The following GPD2 variants were observed in gnomAD, a reference collection of about 807,000 sequenced individuals.
The protein encoded by GPD2 is glycerol-3-phosphate dehydrogenase, mitochondrial.
A neutral mutation model predicts 82.4 loss-of-function variants in GPD2; 54 were observed. The ratio of observed to expected loss-of-function variants is 0.66; its 90% confidence interval spans 0.53 to 0.82. The LOEUF is 0.82. Among genes scored for constraint, GPD2 ranks in the 40% least tolerant of loss-of-function variants. The probability of loss-of-function intolerance (pLI) is 0.00; values close to 1 mark genes in which losing one functional copy is unlikely to be tolerated. For synonymous variants in GPD2, 288 were observed against 306.1 expected, an observed-to-expected ratio of 0.94 and a Z score of 0.62; for missense variants, 748 against 896.2, an observed-to-expected ratio of 0.83 and a Z score of 2.11.
intron 1 of GPD2, among the ~76,000 whole-genome samples, chr2:156,461,850 TTCAG>T (rs1232359133): frequency 6.6e-6 from 1 of 152,256 alleles, no homozygotes; most frequent in African/African-American, 2.4e-5. Context: ...CTGCCAGGTA[TTCAG>T]TCAATCCCAG....
chr2:156,581,951 G>A (rs1173699240), intron 16 of GPD2, among the ~76,000 whole-genome samples: 1 of 151,540 alleles, frequency 6.6e-6, no homozygotes, highest in Non-Finnish European at 1.5e-5. Flanking sequence ...TATATATAAT[G>A]TGTGTGTGTG....
intron 1 of GPD2, among the ~76,000 whole-genome samples, chr2:156,464,465 C>G (rs966802036): frequency 1.3e-5 from 2 of 152,016 alleles, no homozygotes; most frequent in Non-Finnish European, 2.9e-5. Context: ...CAACAGGTTA[C>G]AGGAGAAAAA....
intron 8 of GPD2, among the ~76,000 whole-genome samples, chr2:156,553,907 C>T (rs1216941151): frequency 6.6e-6 from 1 of 152,188 alleles, no homozygotes; most frequent in African/African-American, 2.4e-5. Context: ...CTAGGTCTGT[C>T]TCAGGCTAAG....
At chr2:156,539,343 G>GTGGC (rs1280057770) in intron 6 of GPD2, among the ~76,000 whole-genome samples, 1 of 152,198 alleles carries the variant, frequency 6.6e-6, no homozygotes, top group Non-Finnish European at 1.5e-5. Flanking sequence ...ACCTGAGTTA[G>GTGGC]TGGCTGGTTG....
chr2:156,556,340 A>G (rs1686961453), intron 8 of GPD2, among the ~76,000 whole-genome samples: 1 of 152,242 alleles, frequency 6.6e-6, no homozygotes, highest in Non-Finnish European at 1.5e-5. Context: ...CCAGTCAAAT[A>G]GAAGCAGCTA....
At chr2:156,489,038 T>C (rs1021890767) in intron 2 of GPD2, among the ~76,000 whole-genome samples, 18 of 152,330 alleles carry the variant, frequency 1.2e-4, no homozygotes, top group African/African-American at 4.3e-4. Flanking sequence ...CTGGCTTCAA[T>C]GGCTGAATTA....
chr2:156,570,336 C>A (rs17847137), intron 12 of GPD2, 118 bp downstream of exon 12: 1 of 865,648 alleles, frequency 1.2e-6, no homozygotes, highest in Admixed American at 1.8e-5. Flanking sequence ...TCAGCTAAAA[C>A]CAGGACTACT....
chr2:156,511,010 A>G, intron 4 of GPD2, 90 bp downstream of exon 4: 1 of 1,091,054 alleles, frequency 9.2e-7, no homozygotes, highest in Non-Finnish European at 1.4e-6. Context: ...TAATGGCTTA[A>G]AAGCATTTCT....
At chr2:156,445,529 T>A (rs1219641858) in intron 1 of GPD2, among the ~76,000 whole-genome samples, 1 of 152,224 alleles carries the variant, frequency 6.6e-6, no homozygotes, top group Non-Finnish European at 1.5e-5. Context: ...TATAATGACA[T>A]TGCTTATGAT....
intron 1 of GPD2, among the ~76,000 whole-genome samples, chr2:156,446,382 C>T (rs1682371983): frequency 6.6e-6 from 1 of 152,190 alleles, no homozygotes; most frequent in South Asian, 2.1e-4. Flanking sequence ...AGGTGTGAGC[C>T]ACTGCGCCTG....
intron 2 of GPD2, among the ~76,000 whole-genome samples, chr2:156,478,437 TAAGATACTGCCA>T (rs1683594598): frequency 6.6e-6 from 1 of 152,152 alleles, no homozygotes; most frequent in Non-Finnish European, 1.5e-5. Flanking sequence ...CCTGTCCCTT[TAAGATACTGCCA>T]TTAGCATGTA....
the GPD2 span, among the ~76,000 whole-genome samples, chr2:156,411,674 T>C: frequency 6.6e-6 from 1 of 152,192 alleles, no homozygotes; most frequent in African/African-American, 2.4e-5. Flanking sequence ...TAGCAGTTTT[T>C]CCGTTAGCAC....
At chr2:156,492,147 C>CTTTTTTTTTTTTTTTTT (rs770947790) in intron 2 of GPD2, among the ~76,000 whole-genome samples, 1 of 75,470 alleles carries the variant, frequency 1.3e-5, no homozygotes. Context: ...CCCTCCCTAC[C>CTTTTTTTTTTTTTTTTT]TTTTTTTTTT....
chr2:156,456,424 C>T (rs985086543), intron 1 of GPD2, among the ~76,000 whole-genome samples: 17 of 151,854 alleles, frequency 1.1e-4, no homozygotes, highest in Admixed American at 7.2e-4. Context: ...GCCAATATGA[C>T]GAAACCTTGT....
At chr2:156,478,350 A>T (rs1462376) in intron 2 of GPD2, among the ~76,000 whole-genome samples, 88,912 of 151,968 alleles carry the variant, frequency 0.59, 26,262 homozygotes, top group East Asian at 0.77. Context: ...AGTTCTGTTG[A>T]AAAAGATTAC....
chr2:156,444,078 G>A (rs548024123), intron 1 of GPD2, among the ~76,000 whole-genome samples: 23 of 152,274 alleles, frequency 1.5e-4, no homozygotes, highest in African/African-American at 4.8e-4. Flanking sequence ...AAGGTGGCTG[G>A]ACTGGATGAA....
the GPD2 span, among the ~76,000 whole-genome samples, chr2:156,427,004 G>T: frequency 6.6e-6 from 1 of 152,180 alleles, no homozygotes; most frequent in Non-Finnish European, 1.5e-5. Context: ...TTGGGCAGAG[G>T]GAGAAATTGG....
the GPD2 span, among the ~76,000 whole-genome samples, chr2:156,416,529 T>C: frequency 5.2e-5 from 7 of 133,640 alleles, no homozygotes; most frequent in East Asian, 2.2e-4. Flanking sequence ...TTTTTTTTTT[T>C]TTTCTTTTTT....
At chr2:156,496,828 A>G (rs1684400795) in intron 3 of GPD2, among the ~76,000 whole-genome samples, 1 of 150,380 alleles carries the variant, frequency 6.6e-6, no homozygotes, top group Admixed American at 6.7e-5. Context: ...TAATTTATTA[A>G]AATAATTATC....
Sources: allele counts gnomAD v4.1 joint callset (sites outside exome capture counted in the v4.1 genomes callset), GRCh38; gene constraint gnomAD v4.1.1; transcripts MANE v1.5; gene names NCBI Gene and HGNC (gene_info 2026-07-23, HGNC 2026-07-21).